LDB2: variants seen among roughly 807,000 people sequenced by gnomAD.
LDB2 encodes the protein LIM domain-binding protein 2.
LDB2 carries 12 observed loss-of-function variants against 44.3 expected under a neutral mutation model. The observed-to-expected ratio is 0.27, with a 90% confidence interval of 0.17 to 0.44. LDB2 has a LOEUF of 0.44. LDB2 is among the 20% of genes least tolerant of loss of function. LDB2 has a pLI of 1.00. For missense variants in LDB2, 344 were observed against 473.5 expected, an observed-to-expected ratio of 0.73 and a Z score of 2.54; for synonymous variants, 164 against 174.8, an observed-to-expected ratio of 0.94 and a Z score of 0.49.
At chr4:16,874,591 C>T (rs1277959147) in intron 1 of LDB2, among the ~76,000 whole-genome samples, 1 of 152,204 alleles carries the variant, frequency 6.6e-6, no homozygotes, top group African/African-American at 2.4e-5. Flanking sequence ...GGAGAGTGCG[C>T]ATCCAACAAG....
chr4:16,691,434 T>C (rs1416628586), intron 2 of LDB2, among the ~76,000 whole-genome samples: 1 of 152,132 alleles, frequency 6.6e-6, no homozygotes, highest in Non-Finnish European at 1.5e-5. Flanking sequence ...ATTCTGTAAA[T>C]AAGGACTATG....
intron 1 of LDB2, among the ~76,000 whole-genome samples, chr4:16,858,761 C>T (rs940995193): frequency 2.8e-4 from 43 of 152,260 alleles, no homozygotes; most frequent in African/African-American, 1.0e-3. Flanking sequence ...ACAATTATTT[C>T]GGCAACATCC....
chr4:16,850,947 A>T (rs866063918), intron 1 of LDB2, among the ~76,000 whole-genome samples: 1 of 143,072 alleles, frequency 7.0e-6, no homozygotes, highest in African/African-American at 2.7e-5. Flanking sequence ...TAAAACCATA[A>T]GTGTGTGTGT....
chr4:16,608,483 C>T (rs1724585940), intron 2 of LDB2, among the ~76,000 whole-genome samples: 1 of 152,144 alleles, frequency 6.6e-6, no homozygotes, highest in Non-Finnish European at 1.5e-5. Context: ...TGCCTGGGCA[C>T]CAGCTGTGGG....
chr4:16,826,841 T>A (rs1359294080), intron 1 of LDB2, among the ~76,000 whole-genome samples: 1 of 151,866 alleles, frequency 6.6e-6, no homozygotes, highest in African/African-American at 2.4e-5. Flanking sequence ...GAAAAAGAAT[T>A]GAAAAGGTAT....
chr4:16,843,581 C>A (rs918436840), intron 1 of LDB2, among the ~76,000 whole-genome samples: 2 of 151,928 alleles, frequency 1.3e-5, no homozygotes, highest in African/African-American at 4.8e-5. Context: ...AACAGGGTGC[C>A]ATTTTAAAAA....
At chr4:16,854,261 C>A (rs189386331) in intron 1 of LDB2, among the ~76,000 whole-genome samples, 3 of 151,184 alleles carry the variant, frequency 2.0e-5, no homozygotes, top group African/African-American at 7.3e-5. Flanking sequence ...ATATTGTATA[C>A]CTTAAATATA....
chr4:16,872,713 A>G (rs1717069597), intron 1 of LDB2, among the ~76,000 whole-genome samples: 1 of 152,214 alleles, frequency 6.6e-6, no homozygotes, highest in African/African-American at 2.4e-5. Flanking sequence ...TCATACTGTT[A>G]CAATCAAAAA....
intron 1 of LDB2, among the ~76,000 whole-genome samples, chr4:16,847,760 G>A (rs887174859): frequency 2.3e-4 from 35 of 152,276 alleles, no homozygotes; most frequent in African/African-American, 7.2e-4. Flanking sequence ...GGGGCTACAG[G>A]CGCCCGCCAC....
Position 16,618,009 on chromosome 4 carries a change from TG to T in LDB2, c.236-22135del, listed in dbSNP as rs200715716. On this transcript the variant is annotated intron_variant, in intron 2 of 7. Coordinates refer to ENST00000304523, the MANE Select transcript of LDB2 (RefSeq NM_001290.5). ...TTTTCTGGATAATTCTTTCTTTTTT[TG>T]AGCTCCCAACTTGGGAACTACTTCC... 9.1e-3 allele frequency among the ~76,000 whole-genome samples: 1,385 copies of T among 152,290 alleles called. 20 individuals carry two copies. Among genetic ancestry groups the T allele is most frequent in the African/African-American group, 0.032 (1,328 of 41,564 alleles).
chr4:16,707,906 T>G (rs1754967785), intron 2 of LDB2, among the ~76,000 whole-genome samples: 1 of 152,214 alleles, frequency 6.6e-6, no homozygotes, highest in African/African-American at 2.4e-5. Context: ...GACTCACAGC[T>G]GGGAAGCAAG....
chr4:16,715,329 A>G (rs554526838), intron 2 of LDB2, among the ~76,000 whole-genome samples: 1 of 152,322 alleles, frequency 6.6e-6, no homozygotes, highest in African/African-American at 2.4e-5. Context: ...TCAATCATTA[A>G]TTCATTAACA....
At chr4:16,710,955 G>T (rs1755731666) in intron 2 of LDB2, among the ~76,000 whole-genome samples, 1 of 151,974 alleles carries the variant, frequency 6.6e-6, no homozygotes, top group African/African-American at 2.4e-5. Context: ...CAATTTTACT[G>T]CAATCAGCAA....
intron 1 of LDB2, among the ~76,000 whole-genome samples, chr4:16,862,955 G>A (rs1373640102): frequency 6.6e-6 from 1 of 152,188 alleles, no homozygotes; most frequent in East Asian, 1.9e-4. Context: ...AGAGCGTCCA[G>A]CGAGTCAGAG....
chr4:16,571,130 C>T (rs1468457724), intron 5 of LDB2, among the ~76,000 whole-genome samples: 1 of 152,206 alleles, frequency 6.6e-6, no homozygotes, highest in Non-Finnish European at 1.5e-5. Flanking sequence ...TAAGGTCTTG[C>T]AGGCCAAGCT....
At chr4:16,750,070 G>A (rs182293621) in intron 2 of LDB2, among the ~76,000 whole-genome samples, 2 of 151,972 alleles carry the variant, frequency 1.3e-5, no homozygotes, top group Non-Finnish European at 2.9e-5. Flanking sequence ...CATATACTTG[G>A]TGAAATTATT....
In LDB2 at chr4:16,822,676, G is replaced by A. The variant is rs1202303300; in HGVS notation, c.133-63416C>T. 5.3e-5 allele frequency among the ~76,000 whole-genome samples: 8 copies of A among 151,784 alleles called. No individual in the cohort carries two copies. In the East Asian group the frequency reaches 1.4e-3, roughly 26 times the overall value. On this transcript the variant is annotated intron_variant, in intron 1 of 7. Coordinates refer to ENST00000304523, the MANE Select transcript of LDB2 (RefSeq NM_001290.5). ...ATTACAGGCACGTGCCACCACGCCC[G>A]GCTAATTTTTTGTATTTTTAGTAGA...
At chr4:16,529,199 A>C (rs1160670) in intron 5 of LDB2, among the ~76,000 whole-genome samples, 1 of 151,866 alleles carries the variant, frequency 6.6e-6, no homozygotes, top group Non-Finnish European at 1.5e-5. Flanking sequence ...TTGGGACTCA[A>C]TAGATTTGTC....
At chr4:16,636,276 A>G (rs944287563) in intron 2 of LDB2, among the ~76,000 whole-genome samples, 5 of 152,168 alleles carry the variant, frequency 3.3e-5, no homozygotes, top group Non-Finnish European at 7.3e-5. Context: ...TTGGGTGCAT[A>G]AGGAAAACCA....
Sources: allele counts gnomAD v4.1 joint callset (sites outside exome capture counted in the v4.1 genomes callset), GRCh38; gene constraint gnomAD v4.1.1; transcripts MANE v1.5; gene names NCBI Gene and HGNC (gene_info 2026-07-23, HGNC 2026-07-21).